ENTHD1: variants seen among roughly 807,000 people sequenced by gnomAD.
The protein encoded by ENTHD1 is ENTH domain containing 1.
In ENTHD1, 23 loss-of-function variants were observed where a neutral mutation model predicts 39.1. The ratio of observed to expected loss-of-function variants is 0.59; its 90% CI spans 0.42 to 0.83. The LOEUF (loss-of-function observed/expected upper bound fraction) is 0.83. ENTHD1 is among the 40% of genes least tolerant of loss of function. ENTHD1 has a pLI of 0.00. For synonymous variants in ENTHD1, 230 were observed against 258.2 expected (o/e 0.89, Z 1.05); for missense variants, 624 against 705.4 (o/e 0.88, Z 1.31).
At chr22:39,864,469 T>A (rs768195171) in intron 2 of ENTHD1, among the ~76,000 whole-genome samples, 4 of 152,178 alleles carry the variant, frequency 2.6e-5, no homozygotes, top group Admixed American at 6.5e-5. Context: ...CTGCTTTATT[T>A]TTCACATTCG....
chr22:39,845,922 C>CTATAG (rs988999760), intron 3 of ENTHD1, among the ~76,000 whole-genome samples: 5 of 151,136 alleles, frequency 3.3e-5, no homozygotes, highest in Admixed American at 3.3e-4. Context: ...TCAAAATCTA[C>CTATAG]TACAAAACTA....
chr22:39,753,690 T>A lies in ENTHD1; in HGVS notation c.1220-9407A>T, dbSNP rs2065163744. 2.0e-5 allele frequency among the ~76,000 whole-genome samples: 3 copies of A among 152,206 alleles called. No individual in the cohort carries two copies. In the South Asian group the frequency reaches 6.2e-4, roughly 32 times the overall value. Reference sequence around the variant, plus strand: ...TCCATCACCCTGAGTGACGCCAATGTCCATGGAGACTAGCCATCCATCCTG... The same window carrying A: ...TCCATCACCCTGAGTGACGCCAATGACCATGGAGACTAGCCATCCATCCTG... On this transcript the variant is annotated intron_variant, in intron 6 of 6. Coordinates refer to ENST00000325157, the MANE Select transcript of ENTHD1 (RefSeq NM_152512.4).
chr22:39,851,149 G>A (rs2066034704), intron 3 of ENTHD1, among the ~76,000 whole-genome samples: 1 of 152,086 alleles, frequency 6.6e-6, no homozygotes, highest in Admixed American at 6.6e-5. Flanking sequence ...AAGATACTAT[G>A]TCACTGTCGT....
intron 5 of ENTHD1, among the ~76,000 whole-genome samples, chr22:39,811,158 C>T (rs1364681074): frequency 6.6e-6 from 1 of 152,214 alleles, no homozygotes; most frequent in African/African-American, 2.4e-5. Context: ...AGGATATCCC[C>T]TCTAAAGTCA....
At chr22:39,800,697 A>G (rs1205454244) in intron 5 of ENTHD1, among the ~76,000 whole-genome samples, 2 of 152,204 alleles carry the variant, frequency 1.3e-5, no homozygotes, top group African/African-American at 4.8e-5. Flanking sequence ...CCCTGCTCCA[A>G]TCAGGTTTCA....
intron 2 of ENTHD1, chr22:39,875,292 TTCGG>T (rs1382655149): frequency 8.0e-7 from 1 of 1,249,812 alleles, no homozygotes; most frequent in Non-Finnish European, 1.0e-6. Context: ...GTTAAAGAAA[TTCGG>T]TCGGTCGCAG....
rs1036865633 is a variant in ENTHD1 at position 39,783,735 on chromosome 22, C to A, written c.833-18126G>T. Among the ~76,000 whole-genome samples the A allele has an allele frequency of 5.9e-5, 9 of 152,200 alleles. No individual in the cohort carries two copies. The South Asian group carries it at 1.9e-3, about 32-fold the overall frequency. On this transcript the variant is annotated intron_variant, in intron 5 of 6. Transcript: ENST00000325157. ...AATTAGATCCCTATCTCTCGCTATA[C>A]ACAAAAACCAAATGAAAATGGATTA...
intron 5 of ENTHD1, among the ~76,000 whole-genome samples, chr22:39,766,467 G>C (rs987846992): frequency 6.6e-6 from 1 of 152,168 alleles, no homozygotes; most frequent in Non-Finnish European, 1.5e-5. Context: ...CAGCGCCAGG[G>C]CTTGCTCTGT....
intron 6 of ENTHD1, among the ~76,000 whole-genome samples, chr22:39,748,474 TGCAGTGGC>T (rs1219075997): frequency 6.6e-6 from 1 of 151,596 alleles, no homozygotes; most frequent in Admixed American, 6.6e-5. Context: ...CAGGCTGGAG[TGCAGTGGC>T]GCGATCTTGG....
intron 2 of ENTHD1, among the ~76,000 whole-genome samples, chr22:39,868,091 AAGG>A (rs1187518829): frequency 1.3e-5 from 2 of 151,916 alleles, no homozygotes; most frequent in Admixed American, 6.6e-5. Context: ...CTGGGAAGAA[AAGG>A]AGAAGAAAAA....
intron 3 of ENTHD1, among the ~76,000 whole-genome samples, chr22:39,838,684 AT>A (rs2146681331): frequency 6.6e-6 from 1 of 152,232 alleles, no homozygotes; most frequent in African/African-American, 2.4e-5. Context: ...TTTATAATGC[AT>A]TTATGTGGTT....
At chr22:39,819,714 G>A (rs984394620) in intron 5 of ENTHD1, among the ~76,000 whole-genome samples, 2 of 152,002 alleles carry the variant, frequency 1.3e-5, no homozygotes, top group African/African-American at 2.4e-5. Context: ...ACACCAAAAG[G>A]GAAGCCCAAT....
intron 4 of ENTHD1, among the ~76,000 whole-genome samples, chr22:39,833,568 T>C (rs1339900968): frequency 6.6e-6 from 1 of 151,950 alleles, no homozygotes; most frequent in African/African-American, 2.4e-5. Context: ...AAATAGAGAA[T>C]ATAGATGATA....
intron 4 of ENTHD1, among the ~76,000 whole-genome samples, chr22:39,823,501 T>C (rs533910646): frequency 6.6e-6 from 1 of 151,958 alleles, no homozygotes. Context: ...CGCATCACCA[T>C]GCCCGACTAA....
At chr22:39,859,620 C>G (rs1236559131) in intron 3 of ENTHD1, among the ~76,000 whole-genome samples, 1 of 152,096 alleles carries the variant, frequency 6.6e-6, no homozygotes, top group African/African-American at 2.4e-5. Flanking sequence ...TCAGAACACA[C>G]ATGACATCTA....
intron 5 of ENTHD1, among the ~76,000 whole-genome samples, chr22:39,795,921 CCTT>C (rs1170796563): frequency 6.6e-6 from 1 of 151,936 alleles, no homozygotes; most frequent in Non-Finnish European, 1.5e-5. Flanking sequence ...TGTTATGTCT[CCTT>C]TTTCATTTCT....
At chr22:39,871,669 C>T (rs977909604) in intron 2 of ENTHD1, among the ~76,000 whole-genome samples, 18 of 152,106 alleles carry the variant, frequency 1.2e-4, no homozygotes, top group Non-Finnish European at 2.4e-4. Context: ...TAAAGAGCTC[C>T]GTGGGAAGAC....
intron 2 of ENTHD1, among the ~76,000 whole-genome samples, chr22:39,884,892 T>G (rs1286832067): frequency 2.0e-5 from 3 of 152,178 alleles, no homozygotes; most frequent in Non-Finnish European, 4.4e-5. Flanking sequence ...AAACTATAAA[T>G]GTCTTAGAAA....
At chr22:39,866,821 T>G (rs1333342437) in intron 2 of ENTHD1, among the ~76,000 whole-genome samples, 2 of 152,234 alleles carry the variant, frequency 1.3e-5, no homozygotes, top group African/African-American at 4.8e-5. Context: ...CAGACTATGC[T>G]TGTTTAAGAG....
Sources: allele counts gnomAD v4.1 joint callset (sites outside exome capture counted in the v4.1 genomes callset), GRCh38; gene constraint gnomAD v4.1.1; transcripts MANE v1.5; gene names NCBI Gene and HGNC (gene_info 2026-07-23, HGNC 2026-07-21).